ERC2: variants seen among roughly 807,000 people sequenced by gnomAD.
ERC2 encodes ERC protein 2.
ERC2 carries 42 observed loss-of-function variants against 114.8 expected under a neutral mutation model. The observed-to-expected ratio is 0.37, with a 90% CI of 0.29 to 0.47. The LOEUF (loss-of-function observed/expected upper bound fraction) is 0.47. ERC2 is among the 20% of genes least tolerant of loss of function. The pLI is 0.99. For synonymous variants in ERC2, 454 were observed against 425.5 expected, an observed-to-expected ratio of 1.07 and a Z score of -0.82; for missense variants, 939 against 1,150.7, an observed-to-expected ratio of 0.82 and a Z score of 2.66.
At chr3:55,845,204 T>C (rs2061300191) in intron 14 of ERC2, among the ~76,000 whole-genome samples, 1 of 152,098 alleles carries the variant, frequency 6.6e-6, no homozygotes, top group African/African-American at 2.4e-5. Context: ...ACTCCTGTTA[T>C]TAAAAATAGG....
At chr3:55,678,568 C>T (rs748907954) in intron 17 of ERC2, among the ~76,000 whole-genome samples, 1 of 152,166 alleles carries the variant, frequency 6.6e-6, no homozygotes, top group African/African-American at 2.4e-5. Flanking sequence ...TCCTTTTCTT[C>T]AAGAGTTGGA....
chr3:55,993,848 A>G (rs2071273971), intron 10 of ERC2, among the ~76,000 whole-genome samples: 1 of 152,146 alleles, frequency 6.6e-6, no homozygotes, highest in Admixed American at 6.5e-5. Flanking sequence ...AATAATCTGA[A>G]AGAGAATCCT....
At chr3:55,584,376 A>G (rs527248847) in intron 17 of ERC2, among the ~76,000 whole-genome samples, 129 of 152,320 alleles carry the variant, frequency 8.5e-4, no homozygotes, top group Non-Finnish European at 1.7e-3. Context: ...CCTGGTTTAC[A>G]TCAATGTTCA....
chr3:56,388,244 G>A (rs1447470498), intron 2 of ERC2, among the ~76,000 whole-genome samples: 1 of 152,102 alleles, frequency 6.6e-6, no homozygotes, highest in African/African-American at 2.4e-5. Context: ...TTGGATCATG[G>A]GGACAGATCC....
At chr3:56,079,311 A>G (rs1332666449) in intron 7 of ERC2, among the ~76,000 whole-genome samples, 1 of 152,140 alleles carries the variant, frequency 6.6e-6, no homozygotes, top group Non-Finnish European at 1.5e-5. Context: ...CACTTAAAGC[A>G]CACCTCAGTC....
rs1297824340 is a variant in ERC2 at position 56,080,933 on chromosome 3, T to C, written c.1525A>G (p.Lys509Glu). ...LEEKESFLNK[K>E]TKQLQDLTEE... ...GTGAGGTCCTGTAGCTGTTTTGTTTTTTTATTGAGGAAAGATTCTTTTTCT... is the reference window on the plus strand; with the variant it reads ...GTGAGGTCCTGTAGCTGTTTTGTTTCTTTATTGAGGAAAGATTCTTTTTCT... The change falls in exon 7 of 18, where the codon AAA becomes GAA. Residue 509 changes from lysine (K) to glutamate (E), a missense_variant. Around this residue, in one of 5 missense-constraint regions of ERC2, gnomAD observed 149 missense variants for 254.6 expected, o/e 0.59. Transcript: ENST00000288221. The C allele has an allele frequency of 6.2e-7, 1 of 1,613,476 alleles. No homozygotes were observed. The highest frequency in any genetic ancestry group is 8.5e-7 in the Non-Finnish European group (1 of 1,179,710).
intron 2 of ERC2, among the ~76,000 whole-genome samples, chr3:56,431,760 C>G (rs1042192330): frequency 6.6e-6 from 1 of 152,134 alleles, no homozygotes; most frequent in African/African-American, 2.4e-5. Flanking sequence ...TTTTCAAAAT[C>G]TCTGCGCTTC....
intron 7 of ERC2, among the ~76,000 whole-genome samples, chr3:56,021,714 C>T (rs1222359936): frequency 6.6e-6 from 1 of 152,162 alleles, no homozygotes; most frequent in Non-Finnish European, 1.5e-5. Flanking sequence ...CTGCTCCTCT[C>T]CCTCCTCCCA....
At chr3:56,041,780 C>T (rs2075206463) in intron 7 of ERC2, among the ~76,000 whole-genome samples, 1 of 152,114 alleles carries the variant, frequency 6.6e-6, no homozygotes. Flanking sequence ...CTAGCCAATC[C>T]ACTTTCTTCT....
chr3:55,804,804 A>T (rs189029828), intron 14 of ERC2, among the ~76,000 whole-genome samples: 343 of 152,148 alleles, frequency 2.3e-3, no homozygotes, highest in Middle Eastern at 6.8e-3. Context: ...CTTCAGTCCG[A>T]GTTGGTTTTA....
At chr3:56,122,997 G>A (rs2079664937) in intron 6 of ERC2, among the ~76,000 whole-genome samples, 1 of 152,068 alleles carries the variant, frequency 6.6e-6, no homozygotes, top group Admixed American at 6.6e-5. Flanking sequence ...CATAGTTGAT[G>A]AACTTATCTA....
intron 1 of ERC2, among the ~76,000 whole-genome samples, chr3:56,453,211 T>C (rs1158369395): frequency 2.6e-5 from 4 of 152,228 alleles, no homozygotes; most frequent in African/African-American, 9.6e-5. Context: ...TGACTTGTTT[T>C]GGCCAATGAA....
At chr3:56,311,245 CTCTCTCTCTCTA>C (rs1331989634) in intron 2 of ERC2, among the ~76,000 whole-genome samples, 1 of 26,102 alleles carries the variant, frequency 3.8e-5, no homozygotes, top group African/African-American at 1.0e-4. Flanking sequence ...CTCTCTCTCT[CTCTCTCTCTCTA>C]TATATATATA....
At chr3:55,651,415 CCT>C (rs5849111) in intron 17 of ERC2, among the ~76,000 whole-genome samples, 4,189 of 152,234 alleles carry the variant, frequency 0.028, 217 homozygotes, top group African/African-American at 0.096. Context: ...TCTACATCTT[CCT>C]GTCCATGGGC....
intron 7 of ERC2, among the ~76,000 whole-genome samples, chr3:56,038,482 G>A (rs746369085): frequency 4.6e-5 from 7 of 152,190 alleles, no homozygotes; most frequent in African/African-American, 7.2e-5. Flanking sequence ...TACATTGTTG[G>A]TGGGAATGTA....
chr3:55,653,936 G>A (rs2060752219), intron 17 of ERC2, among the ~76,000 whole-genome samples: 1 of 152,104 alleles, frequency 6.6e-6, no homozygotes, highest in South Asian at 2.1e-4. Context: ...GCTAAACCAT[G>A]CCCAGCTGAT....
chr3:56,026,016 G>GTT (rs886333681), intron 7 of ERC2, among the ~76,000 whole-genome samples: 1 of 140,550 alleles, frequency 7.1e-6, no homozygotes, highest in Non-Finnish European at 1.5e-5. Flanking sequence ...TTATAAAAAA[G>GTT]TAAGTATTGT....
At chr3:55,951,593 A>G (rs1033493253) in intron 12 of ERC2, among the ~76,000 whole-genome samples, 3 of 152,196 alleles carry the variant, frequency 2.0e-5, no homozygotes, top group Non-Finnish European at 4.4e-5. Context: ...AGCAGCTGTC[A>G]TAAATCTAAT....
intron 17 of ERC2, among the ~76,000 whole-genome samples, chr3:55,587,223 G>A (rs936817916): frequency 2.0e-5 from 3 of 151,644 alleles, no homozygotes; most frequent in Non-Finnish European, 1.5e-5. Context: ...GCACGATCTC[G>A]GCTCACTGCA....
Sources: allele counts gnomAD v4.1 joint callset (sites outside exome capture counted in the v4.1 genomes callset), GRCh38; gene constraint gnomAD v4.1.1; regional missense constraint gnomAD v4.1.1; transcripts MANE v1.5; gene names NCBI Gene and HGNC (gene_info 2026-07-23, HGNC 2026-07-21).